ZSWIM7: variants seen among roughly 807,000 people sequenced by gnomAD.
The protein encoded by ZSWIM7 is zinc finger SWIM domain-containing protein 7.
In ZSWIM7, 22 loss-of-function variants were observed where a neutral mutation model predicts 21.1. That is an observed-to-expected ratio of 1.04 (90% CI 0.74 to 1.49). The LOEUF (loss-of-function observed/expected upper bound fraction) is 1.49, where lower values mean the gene tolerates loss of function less well. ZSWIM7 is among the 40% of genes most tolerant of loss of function. The probability of loss-of-function intolerance (pLI) is 0.00; values close to 1 mark genes in which losing one functional copy is unlikely to be tolerated. For synonymous variants in ZSWIM7, 67 were observed against 66.5 expected (o/e 1.01, Z -0.04); for missense variants, 193 against 168.0 (o/e 1.15, Z -0.82).
intron 1 of ZSWIM7, among the ~76,000 whole-genome samples, chr17:15,997,719 C>G (rs1970574399): frequency 6.6e-6 from 1 of 152,164 alleles, no homozygotes; most frequent in South Asian, 2.1e-4. Flanking sequence ...AGCATTGGTT[C>G]CTGTGTCTGA....
chr17:15,977,810 C>CA lies in ZSWIM7; in HGVS notation c.*236dup, dbSNP rs1227574248. On this transcript the variant is annotated 3_prime_UTR_variant, in exon 5 of 5. Coordinates refer to ENST00000399277, the MANE Select transcript of ZSWIM7 (RefSeq NM_001042697.2). ...AGGGACATTTTTTACCGAAGCGTCTCAGAGACTGGCTCAGGGTATTTCTTG... is the reference window on the plus strand; with the variant it reads ...AGGGACATTTTTTACCGAAGCGTCTCAAGAGACTGGCTCAGGGTATTTCTTG... 2.6e-6 allele frequency: 1 copy of CA among 378,942 alleles called. No individual in the cohort carries two copies. The highest frequency in any genetic ancestry group is 4.8e-6 in the Non-Finnish European group (1 of 206,408). 23.5% of individuals were successfully genotyped at this position (378,942 alleles called of 1,614,324 possible).
In ZSWIM7 at chr17:15,999,616, C is replaced by CA; in HGVS notation, c.-23dup. The CA allele has an allele frequency of 6.4e-7, 1 of 1,567,778 alleles. No individual in the cohort carries two copies. The highest frequency in any genetic ancestry group is 1.4e-5 in the African/African-American group (1 of 73,822). On this transcript the variant is annotated 5_prime_UTR_variant, in exon 1 of 5. Coordinates refer to ENST00000399277, the MANE Select transcript of ZSWIM7 (RefSeq NM_001042697.2). ...CCATCGCGCCGCAGGACACGCCCTC[C>CA]ACGACCGGCGGACCGCCGCGACGCT... is the stretch of plus-strand genomic sequence containing the variant.
chr17:15,983,779 G>A (rs935663017), intron 3 of ZSWIM7, among the ~76,000 whole-genome samples: 1 of 152,108 alleles, frequency 6.6e-6, no homozygotes, highest in Non-Finnish European at 1.5e-5. Context: ...TAGAGATGGG[G>A]TTTTGCCATG....
At chr17:15,994,871 C>T (rs564131561) in intron 1 of ZSWIM7, among the ~76,000 whole-genome samples, 5 of 152,218 alleles carry the variant, frequency 3.3e-5, no homozygotes, top group Middle Eastern at 3.4e-3. Context: ...GTTCATATTC[C>T]GTAAGCCCCT....
chr17:15,990,120 C>T (rs531317953), intron 2 of ZSWIM7, among the ~76,000 whole-genome samples: 14 of 149,964 alleles, frequency 9.3e-5, no homozygotes, highest in African/African-American at 1.7e-4. Context: ...CTTGGGAGAC[C>T]GAGGCAGGAG....
chr17:15,997,473 T>C (rs1369511484), intron 1 of ZSWIM7, among the ~76,000 whole-genome samples: 1 of 152,116 alleles, frequency 6.6e-6, no homozygotes, highest in Non-Finnish European at 1.5e-5. Flanking sequence ...ACCAAGATAG[T>C]TGTAACTCCA....
At chr17:15,985,704 CTGTTGACCAA>C (rs1179742538) in intron 3 of ZSWIM7, among the ~76,000 whole-genome samples, 1 of 152,288 alleles carries the variant, frequency 6.6e-6, no homozygotes, top group East Asian at 1.9e-4. Context: ...ACTTAAGTTA[CTGTTGACCAA>C]TGGGAGGAAC....
At chr17:15,988,863 A>T (rs1283322475) in intron 2 of ZSWIM7, among the ~76,000 whole-genome samples, 2 of 152,034 alleles carry the variant, frequency 1.3e-5, no homozygotes, top group Non-Finnish European at 2.9e-5. Flanking sequence ...TACTAAAAAT[A>T]CAAAAAATTA....
In ZSWIM7 at chr17:15,999,622, C is replaced by G; in HGVS notation, c.-28G>C. 9 of 1,566,326 alleles carry G rather than the reference C, an allele frequency of 5.7e-6. No individual in the cohort carries two copies. Among genetic ancestry groups the G allele is most frequent in the Non-Finnish European group, 7.8e-6 (9 of 1,157,114 alleles). ...CGCCGCAGGACACGCCCTCCACGAC[C>G]GGCGGACCGCCGCGACGCTCCAGCT... On this transcript the variant is annotated 5_prime_UTR_variant, in exon 1 of 5. Transcript: ENST00000399277.
intron 3 of ZSWIM7, among the ~76,000 whole-genome samples, chr17:15,982,619 G>C (rs1473304397): frequency 6.6e-6 from 1 of 152,222 alleles, no homozygotes; most frequent in South Asian, 2.1e-4. Context: ...ATATAATGCA[G>C]TTATCCCAGT....
At chr17:15,996,565 A>G (rs902823414) in intron 1 of ZSWIM7, among the ~76,000 whole-genome samples, 10 of 152,118 alleles carry the variant, frequency 6.6e-5, no homozygotes, top group African/African-American at 2.4e-4. Context: ...CCCGGTCTCA[A>G]AAAATAGAAA....
At chr17:15,998,098 TAA>T (rs374672139) in intron 1 of ZSWIM7, among the ~76,000 whole-genome samples, 1 of 140,674 alleles carries the variant, frequency 7.1e-6, no homozygotes. Flanking sequence ...AGACTCTGTC[TAA>T]AAAAAAAAAA....
At chr17:15,998,392 C>T (rs1970593641) in intron 1 of ZSWIM7, among the ~76,000 whole-genome samples, 1 of 152,110 alleles carries the variant, frequency 6.6e-6, no homozygotes, top group Non-Finnish European at 1.5e-5. Context: ...TTTCTCAGTT[C>T]CTTAAAAACA....
intron 1 of ZSWIM7, among the ~76,000 whole-genome samples, chr17:15,998,725 A>G (rs1174834859): frequency 8.7e-5 from 13 of 150,244 alleles, no homozygotes; most frequent in Non-Finnish European, 1.8e-4. Flanking sequence ...ACGATTGCAT[A>G]TGCATTTAGG....
At chr17:15,996,714 G>T (rs922608264) in intron 1 of ZSWIM7, among the ~76,000 whole-genome samples, 1 of 152,098 alleles carries the variant, frequency 6.6e-6, no homozygotes, top group Admixed American at 6.5e-5. Flanking sequence ...AGCTGGGCAT[G>T]GTGGTGCACA....
Position 15,986,544 on chromosome 17 carries a change from T to C in ZSWIM7, c.201+722A>G, listed in dbSNP as rs575634246. Among the ~76,000 whole-genome samples the C allele has an allele frequency of 4.1e-4, 63 of 151,902 alleles. 1 individual carries two copies. The South Asian group carries it at 0.013, about 32-fold the overall frequency. On this transcript the variant is annotated intron_variant, in intron 3 of 4. Coordinates refer to ENST00000399277, the MANE Select transcript of ZSWIM7 (RefSeq NM_001042697.2). ...GGGAGGCTGAAGGGGGAGGACTGCT[T>C]GAGGCCAGGAGTTCAAGACCAGCTT... is the stretch of plus-strand genomic sequence containing the variant.
At chr17:15,993,324 T>C (rs1970507996) in intron 2 of ZSWIM7, among the ~76,000 whole-genome samples, 1 of 150,438 alleles carries the variant, frequency 6.6e-6, no homozygotes, top group Non-Finnish European at 1.5e-5. Flanking sequence ...CAGTGCCTGG[T>C]AGTAAGAATA....
chr17:15,987,238 G>A (rs1179995295), intron 3 of ZSWIM7, 28 bp downstream of exon 3: 1 of 1,567,090 alleles, frequency 6.4e-7, no homozygotes, highest in Non-Finnish European at 8.7e-7. Context: ...GGTTTCTGTA[G>A]GGATCACCCC....
At chr17:15,988,649 TAAAGAAA>T (rs1970444617) in intron 2 of ZSWIM7, among the ~76,000 whole-genome samples, 1 of 148,180 alleles carries the variant, frequency 6.7e-6, no homozygotes, top group Non-Finnish European at 1.5e-5. Context: ...ACCCCATCTC[TAAAGAAA>T]AAAGAAAAAA....
Sources: gnomAD v4.1 joint callset for allele counts (sites outside exome capture counted in the v4.1 genomes callset) on GRCh38, gnomAD v4.1.1 for gene constraint, MANE v1.5 for transcripts, NCBI Gene and HGNC (gene_info 2026-07-23, HGNC 2026-07-21) for gene names.